METTL2A: variants seen among roughly 807,000 people sequenced by gnomAD.
The protein encoded by METTL2A is methyltransferase 2A, tRNA N3-cytidine.
In METTL2A, 45 loss-of-function variants were observed where a neutral mutation model predicts 49.4. The ratio of observed to expected loss-of-function variants is 0.91; its 90% CI spans 0.72 to 1.17. METTL2A has a LOEUF of 1.17. Among genes scored for constraint, METTL2A ranks in the 50% most tolerant of loss-of-function variants. The pLI is 0.00. For missense variants in METTL2A, 361 were observed against 462.2 expected, an observed-to-expected ratio of 0.78 and a Z score of 2.01; for synonymous variants, 118 against 167.5, an observed-to-expected ratio of 0.70 and a Z score of 2.28.
At position 62,451,143 on chromosome 17, in the gene METTL2A, C is replaced by CTT. The variant is rs34466579; in HGVS notation, c.*2433_*2434dup. 2.0e-5 allele frequency among the ~76,000 whole-genome samples: 2 copies of CTT among 102,088 alleles called. No individual in the cohort carries two copies. Among genetic ancestry groups the CTT allele is most frequent in the African/African-American group, 6.5e-5 (2 of 30,984 alleles). 67.0% of individuals were successfully genotyped at this position (102,088 alleles called of 152,430 possible). A position where few individuals can be genotyped will look rare whatever the true frequency, so the allele number is the denominator to read the frequency against. Reference sequence around the variant, plus strand: ...GCTGGGTAATGTAGCAAGACCCTGACTTTTTTTTTTTTTTTTTTTTGAGAC... The same window carrying CTT: ...GCTGGGTAATGTAGCAAGACCCTGACTTTTTTTTTTTTTTTTTTTTTTGAGAC... On this transcript the variant is annotated 3_prime_UTR_variant, in exon 9 of 9. Transcript: ENST00000311506.
Position 62,440,737 on chromosome 17 carries a change from T to C in METTL2A, c.790T>C (p.Ser264Pro). 6.2e-7 allele frequency: 1 copy of C among 1,614,000 alleles called. No homozygotes were observed. Among genetic ancestry groups the C allele is most frequent in the Non-Finnish European group, 8.5e-7 (1 of 1,179,974 alleles). The part of the protein sequence containing the change: ...LDIIILIFVL[S>P]AIVPDKMQKA... ...TATTATCATTCTCATATTTGTTCTT[T>C]CAGCAATTGTTCCAGACAAGTAAGT... The change falls in exon 6 of 9, where the codon TCA (serine) becomes CCA (proline). Residue 264 changes from serine to proline, a missense_variant. Physicochemically the swap from Ser to Pro is moderately conservative, Grantham distance 74. Coordinates refer to ENST00000311506, the MANE Select transcript of METTL2A (RefSeq NM_181725.4).
chr17:62,430,956 C>T (rs1168710287), intron 4 of METTL2A, among the ~76,000 whole-genome samples: 1 of 152,198 alleles, frequency 6.6e-6, no homozygotes, highest in East Asian at 1.9e-4. Context: ...ACCTCCGCCT[C>T]CTGGGATCAA....
At chr17:62,435,400 A>G (rs1309490464) in intron 5 of METTL2A, 108 bp downstream of exon 5, 1 of 1,502,364 alleles carries the variant, frequency 6.7e-7, no homozygotes, top group Non-Finnish European at 9.2e-7. Flanking sequence ...CTGTGTTCTT[A>G]CGGTCTAAAA....
intron 7 of METTL2A, among the ~76,000 whole-genome samples, chr17:62,446,237 T>C (rs2070767718): frequency 6.6e-6 from 1 of 152,164 alleles, no homozygotes; most frequent in South Asian, 2.1e-4. Flanking sequence ...CACTGCAACC[T>C]CTGCCTCCTG....
intron 2 of METTL2A, among the ~76,000 whole-genome samples, chr17:62,425,305 C>G (rs1323003977): frequency 6.6e-6 from 1 of 150,730 alleles, no homozygotes; most frequent in African/African-American, 2.4e-5. Context: ...CTAGTCAAGG[C>G]CCCCTGAATT....
chr17:62,437,986 G>T (rs1478519020), intron 5 of METTL2A, among the ~76,000 whole-genome samples: 3 of 146,348 alleles, frequency 2.0e-5, no homozygotes, highest in Non-Finnish European at 4.5e-5. Context: ...AAAAAAAAAT[G>T]TGTCTGTTAC....
intron 6 of METTL2A, among the ~76,000 whole-genome samples, chr17:62,442,477 C>T (rs1242630502): frequency 6.6e-6 from 1 of 152,104 alleles, no homozygotes; most frequent in African/African-American, 2.4e-5. Flanking sequence ...CGGGGTTTCA[C>T]TATGTTGGCC....
At chr17:62,426,104 G>T (rs926222504) in intron 2 of METTL2A, among the ~76,000 whole-genome samples, 195 bp from the exon 3 acceptor site, 2 of 152,126 alleles carry the variant, frequency 1.3e-5, no homozygotes, top group African/African-American at 4.8e-5. Context: ...TATAATGACG[G>T]ATAGGGGCAT....
chr17:62,423,909 G>A lies in METTL2A; in HGVS notation c.7G>A (p.Gly3Ser), dbSNP rs776125503. The change falls in exon 1 of 9, where the codon GGC (glycine) becomes AGC (serine). Residue 3 changes from glycine to serine, a missense_variant. Gly to Ser is a moderately conservative substitution (Grantham distance 56). This residue lies in a region of METTL2A where 150 missense variants were observed against 170.1 expected (regional missense o/e 0.88). Coordinates refer to ENST00000311506, the MANE Select transcript of METTL2A (RefSeq NM_181725.4). ...TGTTTCCGGCTCCGGTGTCATGGCC[G>A]GCTCCTACCCTGAAGGTGCACCTGC... MA[G>S]SYPEGAPAVL... The A allele has an allele frequency of 5.6e-6, 9 of 1,612,856 alleles. No homozygotes were observed. Among genetic ancestry groups the A allele is most frequent in the Non-Finnish European group, 7.6e-6 (9 of 1,179,572 alleles).
At chr17:62,440,467 G>A in intron 5 of METTL2A, 150 bp from the exon 6 acceptor site, 1 of 1,115,662 alleles carries the variant, frequency 9.0e-7, no homozygotes, top group East Asian at 2.7e-5. Flanking sequence ...GCAACATGGG[G>A]AGATTTTGCC....
intron 6 of METTL2A, among the ~76,000 whole-genome samples, chr17:62,441,675 G>T (rs2070739532): frequency 6.6e-6 from 1 of 151,356 alleles, no homozygotes; most frequent in South Asian, 2.1e-4. Flanking sequence ...TTAAACTCCT[G>T]ACCTTGTAAT....
chr17:62,433,776 C>T (rs995624183), intron 4 of METTL2A, among the ~76,000 whole-genome samples: 88 of 150,908 alleles, frequency 5.8e-4, no homozygotes, highest in African/African-American at 1.7e-3. Context: ...AAGAAAACAA[C>T]GCTTGCCAGG....
Position 62,450,811 on chromosome 17 carries a change from A to G in METTL2A, c.*2082A>G, listed in dbSNP as rs941259618. 1 of 152,206 alleles carries G rather than the reference A, an allele frequency of 6.6e-6. No homozygotes were observed. The highest frequency in any genetic ancestry group is 6.6e-5 in the Admixed American group (1 of 15,262). The allele number at this position is 152,206 out of a possible 1,614,324, so 9.4% of individuals were successfully genotyped here. A position where few individuals can be genotyped will look rare whatever the true frequency, so the allele number is the denominator to read the frequency against. On this transcript the variant is annotated 3_prime_UTR_variant, in exon 9 of 9. Coordinates refer to ENST00000311506, the MANE Select transcript of METTL2A (RefSeq NM_181725.4). Reference sequence around the variant, plus strand: ...CACTCCAGCCTGGGTGACAAGAGCGAAACTGCATCTCAGAAACAAAGATGC... The same window carrying G: ...CACTCCAGCCTGGGTGACAAGAGCGGAACTGCATCTCAGAAACAAAGATGC...
intron 6 of METTL2A, among the ~76,000 whole-genome samples, chr17:62,441,086 G>T (rs1316805214): frequency 2.0e-5 from 3 of 152,218 alleles, no homozygotes; most frequent in Admixed American, 6.5e-5. Context: ...GATTATAGGT[G>T]TGAGCCACCA....
At chr17:62,440,905 A>G in intron 6 of METTL2A, 149 bp downstream of exon 6, 1 of 1,117,074 alleles carries the variant, frequency 9.0e-7, no homozygotes, top group Non-Finnish European at 1.3e-6. Context: ...TCTTGGGCTT[A>G]AATGATCCTC....
chr17:62,426,581 C>T lies in METTL2A; in HGVS notation c.485C>T (p.Thr162Ile). Residue 162 changes from threonine (T) to isoleucine (I), a missense_variant, in exon 3 of 9, where the codon ACT becomes ATT. By Grantham distance (89) the Thr-to-Ile change is moderately conservative (BLOSUM62 -1). Coordinates refer to ENST00000311506, the MANE Select transcript of METTL2A (RefSeq NM_181725.4). ...ACACTTCCTGTGGAGGAGAATGTAA[C>T]TCAGAAAATTAGTGACCTGGAAATT... ...TQTLPVEENV[T>I]QKISDLEICA... The T allele has an allele frequency of 6.6e-7, 1 of 1,516,304 alleles. No homozygotes were observed. Among genetic ancestry groups the T allele is most frequent in the South Asian group, 1.2e-5 (1 of 83,816 alleles). 93.9% of individuals were successfully genotyped at this position (1,516,304 alleles called of 1,614,324 possible).
rs1377825938 is a variant in METTL2A at position 62,449,366 on chromosome 17, G to C, written c.*637G>C. On this transcript the variant is annotated 3_prime_UTR_variant, in exon 9 of 9. Transcript: ENST00000311506. ...TGACAAAAAAAAATGACCCTACAGA[G>C]AGCATCAAAATGTGGTGTTCTTGTT... 4 of 451,568 alleles carry C rather than the reference G, an allele frequency of 8.9e-6. No homozygotes were observed. Among genetic ancestry groups the C allele is most frequent in the Non-Finnish European group, 1.8e-5 (4 of 225,706 alleles). 28.0% of individuals were successfully genotyped at this position (451,568 alleles called of 1,614,324 possible). A position where few individuals can be genotyped will look rare whatever the true frequency, so the allele number is the denominator to read the frequency against.
intron 8 of METTL2A, among the ~76,000 whole-genome samples, chr17:62,448,358 G>A (rs1030681784): frequency 3.3e-5 from 5 of 151,904 alleles, no homozygotes; most frequent in African/African-American, 9.7e-5. Context: ...TAAACCAAAG[G>A]TTTTTAAAAA....
intron 4 of METTL2A, chr17:62,434,904 G>A (rs2070690458): frequency 1.6e-5 from 5 of 321,362 alleles, no homozygotes; most frequent in East Asian, 6.9e-5. Context: ...GTGGCTCAGC[G>A]AAGAAAAAAG....
Sources: gnomAD v4.1 joint callset for allele counts (sites outside exome capture counted in the v4.1 genomes callset) on GRCh38, gnomAD v4.1.1 for gene constraint, gnomAD v4.1.1 regional missense constraint, MANE v1.5 for transcripts, NCBI Gene and HGNC (gene_info 2026-07-23, HGNC 2026-07-21) for gene names.